PSPC1: variants seen among roughly 807,000 people sequenced by gnomAD.
PSPC1 encodes paraspeckle protein 1.
PSPC1 carries 14 observed loss-of-function variants against 51.6 expected under a neutral mutation model. The observed-to-expected ratio is 0.27, with a 90% CI of 0.18 to 0.42. PSPC1 has a LOEUF of 0.42. PSPC1 is among the 10% of genes least tolerant of loss of function. The pLI, the probability that PSPC1 is intolerant of heterozygous loss-of-function variation, is 1.00. For missense variants in PSPC1, 406 were observed against 701.1 expected (o/e 0.58, Z 4.75); for synonymous variants, 193 against 231.9 (o/e 0.83, Z 1.53).
At chr13:19,671,709 A>G, downstream of PSPC1, 3 of 801,554 alleles carry the variant, frequency 3.7e-6, no homozygotes, top group Middle Eastern at 4.7e-4. Context: ...AACAATGTAA[A>G]TTGATAAGCA....
chr13:19,712,748 T>A (rs563169508), intron 6 of PSPC1, among the ~76,000 whole-genome samples: 4 of 151,060 alleles, frequency 2.6e-5, no homozygotes, highest in African/African-American at 9.7e-5. Flanking sequence ...TTTCACTAAA[T>A]ATATATATAT....
At chr13:19,696,428 C>T (rs368881130) in intron 6 of PSPC1, among the ~76,000 whole-genome samples, 4 of 151,986 alleles carry the variant, frequency 2.6e-5, no homozygotes, top group Admixed American at 1.3e-4. Flanking sequence ...CAAATAGATG[C>T]TCTCATTATG....
intron 6 of PSPC1, among the ~76,000 whole-genome samples, chr13:19,709,856 TCA>T (rs1267520023): frequency 6.6e-6 from 1 of 150,714 alleles, no homozygotes; most frequent in Non-Finnish European, 1.5e-5. Context: ...ATAAAATATA[TCA>T]CAAATTATTT....
intron 2 of PSPC1, among the ~76,000 whole-genome samples, chr13:19,763,801 G>C (rs1887803893): frequency 6.6e-6 from 1 of 152,124 alleles, no homozygotes; most frequent in South Asian, 2.1e-4. Flanking sequence ...AGGAGTTTGA[G>C]ACCAGCCTGG....
At chr13:19,752,568 T>C (rs1020063123) in intron 3 of PSPC1, among the ~76,000 whole-genome samples, 1 of 151,894 alleles carries the variant, frequency 6.6e-6, no homozygotes, top group South Asian at 2.1e-4. Context: ...AGTCAATTTT[T>C]TTTTCACTTT....
chr13:19,680,568 T>A (rs1877159818), intron 6 of PSPC1, among the ~76,000 whole-genome samples: 1 of 152,014 alleles, frequency 6.6e-6, no homozygotes, highest in African/African-American at 2.4e-5. Flanking sequence ...ACTTCCTCAT[T>A]CTGAAGAACA....
intron 2 of PSPC1, among the ~76,000 whole-genome samples, chr13:19,768,932 C>T (rs1192922817): frequency 1.3e-5 from 2 of 149,072 alleles, no homozygotes; most frequent in Non-Finnish European, 3.0e-5. Context: ...GCCAGGAGTT[C>T]CTGACCAGCC....
intron 3 of PSPC1, among the ~76,000 whole-genome samples, chr13:19,755,425 T>C (rs1400321666): frequency 1.3e-5 from 2 of 151,834 alleles, no homozygotes; most frequent in Non-Finnish European, 2.9e-5. Flanking sequence ...CCATCTCTAC[T>C]AAAAATACAA....
chr13:19,688,491 G>A (rs150638986), intron 6 of PSPC1, among the ~76,000 whole-genome samples: 7 of 152,204 alleles, frequency 4.6e-5, no homozygotes, highest in Non-Finnish European at 1.0e-4. Context: ...CTGCTGAAAG[G>A]TGCTCCTACC....
Position 19,717,285 on chromosome 13 carries a change from G to A in PSPC1, c.1159-7686C>T, listed in dbSNP as rs574055469. Among the ~76,000 whole-genome samples, 3 of 151,988 alleles carry A rather than the reference G, an allele frequency of 2.0e-5. No individual in the cohort carries two copies. The South Asian group carries it at 6.2e-4, about 32-fold the overall frequency. ...ATCTTTTCTAATAAAAGTAAACTGG[G>A]CCGGACATGGTGGCTCACACTTGTA... is the stretch of plus-strand genomic sequence containing the variant. On this transcript the variant is annotated intron_variant, in intron 6 of 8. Transcript: ENST00000338910.
At chr13:19,749,230 C>T (rs1286162977) in intron 4 of PSPC1, among the ~76,000 whole-genome samples, 1 of 152,074 alleles carries the variant, frequency 6.6e-6, no homozygotes, top group Admixed American at 6.6e-5. Flanking sequence ...CACTTGTAAT[C>T]CCAGCCACTT....
chr13:19,704,568 C>G (rs1310502504), intron 8 of PSPC1, among the ~76,000 whole-genome samples: 2 of 152,236 alleles, frequency 1.3e-5, no homozygotes, highest in Non-Finnish European at 2.9e-5. Flanking sequence ...AACTAAACTG[C>G]CTTTTCAAAA....
At chr13:19,727,261 G>T (rs1593633081) in intron 6 of PSPC1, among the ~76,000 whole-genome samples, 1 of 152,102 alleles carries the variant, frequency 6.6e-6, no homozygotes, top group Admixed American at 6.6e-5. Flanking sequence ...GGGCATGGTG[G>T]CAGGCACCTG....
intron 6 of PSPC1, among the ~76,000 whole-genome samples, chr13:19,695,257 A>G (rs553209174): frequency 2.0e-5 from 3 of 152,350 alleles, no homozygotes; most frequent in African/African-American, 7.2e-5. Context: ...AAAGTTCATG[A>G]CATGAACCCC....
intron 5 of PSPC1, 39 bp downstream of exon 5, chr13:19,741,526 G>T: frequency 7.3e-7 from 1 of 1,375,562 alleles, no homozygotes; most frequent in Non-Finnish European, 1.0e-6. Flanking sequence ...TTATTAATAA[G>T]ACATACAATT....
intron 5 of PSPC1, among the ~76,000 whole-genome samples, chr13:19,739,573 C>T (rs1269202275): frequency 1.3e-5 from 2 of 151,972 alleles, no homozygotes; most frequent in Admixed American, 6.6e-5. Flanking sequence ...CATGGTGAAG[C>T]CCCATCTCTA....
rs1045933315 is a variant in PSPC1, at chr13:19,732,502, A to C, written c.1053-2158T>G. 9.8e-5 allele frequency among the ~76,000 whole-genome samples: 15 copies of C among 152,354 alleles called. No individual in the cohort carries two copies. In the South Asian group the frequency reaches 1.9e-3, roughly 19 times the overall value. On this transcript the variant is annotated intron_variant, in intron 5 of 8. Coordinates refer to ENST00000338910, the MANE Select transcript of PSPC1 (RefSeq NM_001354909.2). ...CTGGGGCAGCACCCCATAATCAACC[A>C]CATTAATATTTCTGCAGTAAGATAA... is the stretch of plus-strand genomic sequence containing the variant.
chr13:19,728,437 TAAACACACACACACACACAC>T (rs1161650389), intron 6 of PSPC1, among the ~76,000 whole-genome samples: 6 of 83,760 alleles, frequency 7.2e-5, no homozygotes, highest in Middle Eastern at 5.9e-3. Context: ...TTTCAAAGCT[TAAACACACACACACACACAC>T]ACACACACAC....
intron 2 of PSPC1, among the ~76,000 whole-genome samples, chr13:19,768,604 C>T (rs557453528): frequency 2.7e-5 from 4 of 150,396 alleles, no homozygotes; most frequent in East Asian, 2.0e-4. Flanking sequence ...GCCGAGATCA[C>T]GCCACTGCAC....
Sources: allele counts gnomAD v4.1 joint callset (sites outside exome capture counted in the v4.1 genomes callset), GRCh38; gene constraint gnomAD v4.1.1; transcripts MANE v1.5; gene names NCBI Gene and HGNC (gene_info 2026-07-23, HGNC 2026-07-21).